The following MINDY4 variants were observed in gnomAD, a reference collection of about 807,000 sequenced individuals.
MINDY4 encodes MINDY lysine 48 deubiquitinase 4, also known as probable ubiquitin carboxyl-terminal hydrolase MINDY-4.
A neutral mutation model predicts 87.0 loss-of-function variants in MINDY4; 68 were observed. The observed-to-expected ratio is 0.78, with a 90% CI of 0.64 to 0.96. The LOEUF (loss-of-function observed/expected upper bound fraction) is 0.96, where lower values mean the gene tolerates loss of function less well. MINDY4 is among the 40% of genes least tolerant of loss of function. The pLI, the probability that MINDY4 is intolerant of heterozygous loss-of-function variation, is 0.00. For missense variants in MINDY4, 919 were observed against 928.2 expected (o/e 0.99, Z 0.13); for synonymous variants, 379 against 363.2 (o/e 1.04, Z -0.50).
At chr7:30,866,251 A>G (rs541623222) in intron 13 of MINDY4, among the ~76,000 whole-genome samples, 36 of 152,280 alleles carry the variant, frequency 2.4e-4, no homozygotes, top group South Asian at 4.1e-4. Context: ...GGGACCTTAC[A>G]TGTTCATGCA....
At chr7:30,843,462 T>C (rs1176311452) in intron 9 of MINDY4, among the ~76,000 whole-genome samples, 1 of 152,224 alleles carries the variant, frequency 6.6e-6, no homozygotes, top group Non-Finnish European at 1.5e-5. Context: ...CCTTCAGAGT[T>C]GCTTTTGAAC....
At chr7:30,832,351 C>T (rs993350519) in intron 6 of MINDY4, among the ~76,000 whole-genome samples, 1 of 152,234 alleles carries the variant, frequency 6.6e-6, no homozygotes, top group African/African-American at 2.4e-5. Context: ...GGTCAGTCCT[C>T]CAGTAATCTG....
chr7:30,836,688 AG>A lies in MINDY4; in HGVS notation c.1165del (p.Val389SerfsTer23). 1 of 1,614,164 alleles carries A rather than the reference AG, an allele frequency of 6.2e-7. No homozygotes were observed. Among genetic ancestry groups the A allele is most frequent in the South Asian group, 1.1e-5 (1 of 91,078 alleles). On this transcript the variant is annotated frameshift_variant, in exon 7 of 18. Coordinates refer to ENST00000265299, the MANE Select transcript of MINDY4 (RefSeq NM_032222.3). LOFTEE classifies it high-confidence loss of function. ...EDVEDELIRE[E>X]VILSPVPSVL... is the part of the protein sequence containing the mutation. ...GTGGAGGATGAGTTGATAAGGGAAG[AG>A]GTCATCCTGTCGCCAGTCCCATCAG...
In MINDY4 at chr7:30,828,707, G is replaced by T. The variant is rs574478394; in HGVS notation, c.1102G>T (p.Val368Leu). ...AAATCAGTTGCTGCCGTCTGACAAGGTGGATGGTGAGCTGGGTGCCCTGCG... is the reference window on the plus strand; with the variant it reads ...AAATCAGTTGCTGCCGTCTGACAAGTTGGATGGTGAGCTGGGTGCCCTGCG... ...RKNQLLPSDK[V>L]DGELGALRLE... Residue 368 changes from valine (V) to leucine (L), a missense_variant, in exon 6 of 18, where the codon GTG (valine) becomes TTG (leucine). By Grantham distance (32) the Val-to-Leu change is conservative. Coordinates refer to ENST00000265299, the MANE Select transcript of MINDY4 (RefSeq NM_032222.3). 123 of 1,613,742 alleles carry T rather than the reference G, an allele frequency of 7.6e-5. No individual in the cohort carries two copies. The South Asian group carries it at 1.3e-3, about 17-fold the overall frequency.
intron 13 of MINDY4, among the ~76,000 whole-genome samples, chr7:30,869,723 C>T (rs541621482): frequency 6.6e-6 from 1 of 152,286 alleles, no homozygotes; most frequent in South Asian, 2.1e-4. Context: ...TTTCCAAATA[C>T]ACATTCTCAG....
intron 9 of MINDY4, among the ~76,000 whole-genome samples, chr7:30,845,958 A>C (rs1789201738): frequency 6.6e-6 from 1 of 152,182 alleles, no homozygotes; most frequent in South Asian, 2.1e-4. Context: ...TGGCTCACAG[A>C]AAGAGATGAA....
intron 2 of MINDY4, chr7:30,781,750 C>T (rs562233749): frequency 5.1e-5 from 26 of 512,706 alleles, no homozygotes; most frequent in African/African-American, 4.1e-4. Flanking sequence ...CTGCCTCATG[C>T]GTTGGATGCT....
intron 5 of MINDY4, among the ~76,000 whole-genome samples, chr7:30,818,309 CTA>C (rs1788226138): frequency 1.3e-5 from 2 of 152,118 alleles, no homozygotes; most frequent in South Asian, 2.1e-4. Context: ...ATACAGTTGT[CTA>C]TTTTATTTTA....
At chr7:30,853,952 G>T (rs1789494119) in intron 12 of MINDY4, among the ~76,000 whole-genome samples, 1 of 151,764 alleles carries the variant, frequency 6.6e-6, no homozygotes, top group Admixed American at 6.6e-5. Flanking sequence ...GGGTGGCAGG[G>T]CTGCTCTGGG....
chr7:30,843,922 G>C (rs921342597), intron 9 of MINDY4, among the ~76,000 whole-genome samples: 3 of 152,142 alleles, frequency 2.0e-5, no homozygotes, highest in Non-Finnish European at 4.4e-5. Flanking sequence ...CAGACCTTAT[G>C]GGGGGGCCTG....
chr7:30,880,563 G>GGGACTCTCTCCCTGCCGTGAA (rs1790433266), intron 15 of MINDY4, among the ~76,000 whole-genome samples: 1 of 152,100 alleles, frequency 6.6e-6, no homozygotes, highest in Non-Finnish European at 1.5e-5. Flanking sequence ...GGTTGGCTTT[G>GGGACTCTCTCCCTGCCGTGAA]GGACTCTCTC....
At chr7:30,850,334 G>T in intron 9 of MINDY4, 120 bp from the exon 10 acceptor site, 1 of 927,486 alleles carries the variant, frequency 1.1e-6, no homozygotes, top group Non-Finnish European at 1.6e-6. Context: ...TGGCCCCTCT[G>T]CAGGCCAGAG....
At chr7:30,872,092 G>C in intron 13 of MINDY4, 151 bp from the exon 14 acceptor site, 1 of 696,600 alleles carries the variant, frequency 1.4e-6, no homozygotes, top group Non-Finnish European at 2.5e-6. Flanking sequence ...AGCCTCCTCC[G>C]TGGAGGGCAC....
chr7:30,857,100 A>G (rs193007425), intron 12 of MINDY4, among the ~76,000 whole-genome samples: 144 of 152,350 alleles, frequency 9.5e-4, no homozygotes, highest in African/African-American at 3.3e-3. Flanking sequence ...CTTCCAAAAA[A>G]AGACTGGAAG....
At chr7:30,808,351 A>T (rs1787877029) in intron 5 of MINDY4, among the ~76,000 whole-genome samples, 1 of 151,930 alleles carries the variant, frequency 6.6e-6, no homozygotes, top group Non-Finnish European at 1.5e-5. Context: ...TTTTGACTTG[A>T]CTTGGATTGC....
In MINDY4 at chr7:30,892,007, C is replaced by A. The variant is rs569579560; in HGVS notation, c.*2C>A. 1 of 1,614,140 alleles carries A rather than the reference C, an allele frequency of 6.2e-7. No individual in the cohort carries two copies. Among genetic ancestry groups the A allele is most frequent in the Non-Finnish European group, 8.5e-7 (1 of 1,179,980 alleles). Reference sequence around the variant, plus strand: ...AACGGCTCAGACCCCATCCTGTGACCGTTGGATGTGGGTAAACCCTGTGGT... The same window carrying A: ...AACGGCTCAGACCCCATCCTGTGACAGTTGGATGTGGGTAAACCCTGTGGT... On this transcript the variant is annotated 3_prime_UTR_variant, in exon 18 of 18. Transcript: ENST00000265299.
At chr7:30,806,601 G>A (rs1465433579) in intron 5 of MINDY4, among the ~76,000 whole-genome samples, 1 of 152,276 alleles carries the variant, frequency 6.6e-6, no homozygotes, top group African/African-American at 2.4e-5. Flanking sequence ...GAAATGTTCA[G>A]GTTAGTTGTG....
intron 5 of MINDY4, chr7:30,802,932 C>T (rs1787702181): frequency 6.6e-6 from 1 of 151,860 alleles, no homozygotes; most frequent in East Asian, 1.9e-4. Flanking sequence ...ATCTCACCCA[C>T]CCAACCAACC....
intron 7 of MINDY4, 71 bp from the exon 8 acceptor site, chr7:30,839,129 A>G: frequency 1.0e-6 from 1 of 952,928 alleles, no homozygotes; most frequent in Non-Finnish European, 1.6e-6. Flanking sequence ...TTCTGCAGGA[A>G]TATGCACACT....
Sources: gnomAD v4.1 joint callset for allele counts (sites outside exome capture counted in the v4.1 genomes callset) on GRCh38, gnomAD v4.1.1 for gene constraint, MANE v1.5 for transcripts, NCBI Gene and HGNC (gene_info 2026-07-23, HGNC 2026-07-21) for gene names.